The following ALAD variants were observed in gnomAD, a reference collection of about 807,000 sequenced individuals.
ALAD encodes the protein delta-aminolevulinic acid dehydratase.
ALAD carries 20 observed loss-of-function variants against 44.4 expected under a neutral mutation model. That is an observed-to-expected ratio of 0.45 (90% CI 0.32 to 0.65). The LOEUF is 0.65. Ranked by LOEUF, ALAD falls within the 30% of genes least tolerant of loss-of-function variation. The pLI is 0.05. For synonymous variants in ALAD, 156 were observed against 167.9 expected (o/e 0.93, Z 0.55); for missense variants, 323 against 445.7 (o/e 0.72, Z 2.48).
In ALAD at chr9:113,391,512, CCTTT is replaced by C; in HGVS notation, c.261+11_261+14del. On this transcript the variant is annotated intron_variant, in intron 4 of 11. Coordinates refer to ENST00000409155, the MANE Select transcript of ALAD (RefSeq NM_000031.6). ...AGCGCAACCTCCCTTCTTAGCCCTT[CCTTT>C]GATTCTTCACCTTGGGAACTCTGCT... 5 of 1,612,444 alleles carry C rather than the reference CCTTT, an allele frequency of 3.1e-6. No individual in the cohort carries two copies. Among genetic ancestry groups the C allele is most frequent in the African/African-American group, 1.3e-5 (1 of 75,024 alleles).
chr9:113,391,158 G>A (rs149226996), intron 4 of ALAD, among the ~76,000 whole-genome samples: 219 of 152,318 alleles, frequency 1.4e-3, no homozygotes, highest in African/African-American at 5.1e-3. Flanking sequence ...GAGTGAGGGT[G>A]CAGTCAGTGT....
intron 1 of ALAD, among the ~76,000 whole-genome samples, chr9:113,399,644 G>C (rs1307485103): frequency 1.3e-5 from 2 of 152,186 alleles, no homozygotes; most frequent in Non-Finnish European, 2.9e-5. Flanking sequence ...CCCATGGAAG[G>C]CAACATCCCC....
At chr9:113,400,099 G>T (rs1211413649) in intron 1 of ALAD, among the ~76,000 whole-genome samples, 5 of 152,196 alleles carry the variant, frequency 3.3e-5, no homozygotes, top group Admixed American at 3.3e-4. Flanking sequence ...CGTAGGAGAA[G>T]CTGCCATTCC....
At chr9:113,391,035 CA>C (rs1282793857) in intron 4 of ALAD, 102 bp from the exon 5 acceptor site, 4 of 1,474,932 alleles carry the variant, frequency 2.7e-6, no homozygotes, top group Non-Finnish European at 3.7e-6. Flanking sequence ...CTCCTTCCTT[CA>C]TCATCACAGC....
At chr9:113,389,300 C>T in intron 10 of ALAD, 138 bp downstream of exon 10, 1 of 1,315,154 alleles carries the variant, frequency 7.6e-7, no homozygotes, top group Non-Finnish European at 1.1e-6. Context: ...CATAGAAGGC[C>T]ACGATGGTTC....
intron 4 of ALAD, among the ~76,000 whole-genome samples, chr9:113,391,300 T>C (rs1339562939): frequency 6.6e-6 from 1 of 152,118 alleles, no homozygotes; most frequent in Non-Finnish European, 1.5e-5. Context: ...CTTTCTGGGC[T>C]CAAGCAATCC....
intron 7 of ALAD, among the ~76,000 whole-genome samples, chr9:113,390,165 G>GCA (rs2118986787): frequency 6.6e-6 from 1 of 152,282 alleles, no homozygotes; most frequent in East Asian, 1.9e-4. Flanking sequence ...GGGATTACAG[G>GCA]CGCCTGCCAC....
At chr9:113,389,261 G>C (rs1477655778) in intron 10 of ALAD, among the ~76,000 whole-genome samples, 155 bp from the exon 11 acceptor site, 2 of 152,172 alleles carry the variant, frequency 1.3e-5, no homozygotes, top group African/African-American at 4.8e-5. Context: ...TGTTAAAGCA[G>C]GGCTGTTTGA....
rs1310958077 is a variant in ALAD, at chr9:113,391,435, C to T, written c.261+92G>A. On this transcript the variant is annotated intron_variant, in intron 4 of 11. Coordinates refer to ENST00000409155, the MANE Select transcript of ALAD (RefSeq NM_000031.6). ...TCCAGGCTGGTCTCAAAATCCTGGG[C>T]TCAAGTGATCCACCCACTTTGGCCT... The T allele has an allele frequency of 1.8e-5, 20 of 1,118,454 alleles. No individual in the cohort carries two copies. In the Admixed American group the frequency reaches 3.6e-4, roughly 20 times the overall value. 69.3% of individuals were successfully genotyped at this position (1,118,454 alleles called of 1,614,324 possible). A position where few individuals can be genotyped will look rare whatever the true frequency, so the allele number is the denominator to read the frequency against.
chr9:113,393,561 G>A lies in ALAD; in HGVS notation c.-2C>T. The A allele has an allele frequency of 6.2e-7, 1 of 1,612,604 alleles. No individual in the cohort carries two copies. The highest frequency in any genetic ancestry group is 8.5e-7 in the Non-Finnish European group (1 of 1,179,506). On this transcript the variant is annotated 5_prime_UTR_variant, in exon 2 of 12. Coordinates refer to ENST00000409155, the MANE Select transcript of ALAD (RefSeq NM_000031.6). ...GTGCAGAACGGACTGGGGCTGCATG[G>A]CGTGGGCCAGTGGGCACAGGGGCAT...
At chr9:113,399,841 G>C (rs1424097346) in intron 1 of ALAD, among the ~76,000 whole-genome samples, 2 of 152,192 alleles carry the variant, frequency 1.3e-5, no homozygotes, top group African/African-American at 2.4e-5. Flanking sequence ...GGAGGAGGCA[G>C]TCAGGAGAGC....
chr9:113,392,236 A>G (rs1249068695), intron 2 of ALAD, 67 bp from the exon 3 acceptor site: 2 of 1,611,600 alleles, frequency 1.2e-6, no homozygotes, highest in Non-Finnish European at 1.7e-6. Flanking sequence ...GGGGCGACTG[A>G]GAGGGATGGT....
intron 4 of ALAD, 84 bp downstream of exon 4, chr9:113,391,443 A>G (rs1392806580): frequency 1.7e-6 from 2 of 1,187,054 alleles, no homozygotes; most frequent in Admixed American, 3.5e-5. Context: ...GGCTCAAGTG[A>G]TCCACCCACT....
intron 1 of ALAD, among the ~76,000 whole-genome samples, chr9:113,399,575 T>C (rs1214778776): frequency 6.6e-6 from 1 of 152,196 alleles, no homozygotes; most frequent in African/African-American, 2.4e-5. Flanking sequence ...GGTGGTTTCA[T>C]GGAAGAGGGG....
chr9:113,392,157 ATCAGGAACATCCCTGCAAGAGCGGG>A lies in ALAD; in HGVS notation c.114-13_125del. 6.2e-7 allele frequency: 1 copy of A among 1,613,968 alleles called. No homozygotes were observed. Among genetic ancestry groups the A allele is most frequent in the Non-Finnish European group, 8.5e-7 (1 of 1,179,976 alleles). The stretch of plus-strand genomic sequence containing the variant: ...GGAGGCTGGTGATAGGCTGTATGTC[ATCAGGAACATCCCTGCAAGAGCGGG>A]GGTGGGATATGGATTGGTAGCTGTG... On this transcript the variant is annotated splice_acceptor_variant and splice_polypyrimidine_tract_variant and coding_sequence_variant and intron_variant, in exon 3 of 12. Coordinates refer to ENST00000409155, the MANE Select transcript of ALAD (RefSeq NM_000031.6). LOFTEE classifies it high-confidence loss of function.
At chr9:113,393,389 T>TCCTCAA in intron 2 of ALAD, 58 bp downstream of exon 2, 1 of 1,271,486 alleles carries the variant, frequency 7.9e-7, no homozygotes, top group Non-Finnish European at 1.2e-6. Flanking sequence ...CAACACTCCC[T>TCCTCAA]CCCCAACCCC....
At chr9:113,389,390 ACT>A in intron 10 of ALAD, 46 bp downstream of exon 10, 1 of 1,601,304 alleles carries the variant, frequency 6.2e-7, no homozygotes, top group Non-Finnish European at 8.5e-7. Flanking sequence ...TCTGTGGAAA[ACT>A]CTGTCCCAGC....
Position 113,389,720 on chromosome 9 carries a change from T to A in ALAD, c.627-34A>T, listed in dbSNP as rs760621556. The A allele has an allele frequency of 1.2e-5, 20 of 1,614,196 alleles. No individual in the cohort carries two copies. The African/African-American group carries it at 2.1e-4, about 17-fold the overall frequency. On this transcript the variant is annotated intron_variant, in intron 8 of 11. Coordinates refer to ENST00000409155, the MANE Select transcript of ALAD (RefSeq NM_000031.6). ...CAGAGTCATCAGGGTGGGCTCCAGCTTTGGGCCAAAGGGCCAGGGATTCAC... is the reference window on the plus strand; with the variant it reads ...CAGAGTCATCAGGGTGGGCTCCAGCATTGGGCCAAAGGGCCAGGGATTCAC...
rs1827397870 is a variant in ALAD at position 113,386,446 on chromosome 9, T to G, written c.*1854A>C. ...ATGTTTAAGGCAGGCTAGGCTAAGC[T>G]ATGATGTTTGGTAGGTTAGGTATAT... is the stretch of plus-strand genomic sequence containing the variant. On this transcript the variant is annotated 3_prime_UTR_variant, in exon 12 of 12. Transcript: ENST00000409155. The G allele has an allele frequency of 6.6e-6, 1 of 152,372 alleles. No individual in the cohort carries two copies. The highest frequency in any genetic ancestry group is 2.4e-5 in the African/African-American group (1 of 41,586). The allele number at this position is 152,372 out of a possible 1,614,324, so 9.4% of individuals were successfully genotyped here. A position where few individuals can be genotyped will look rare whatever the true frequency, so the allele number is the denominator to read the frequency against.
Sources: allele counts gnomAD v4.1 joint callset (sites outside exome capture counted in the v4.1 genomes callset), GRCh38; gene constraint gnomAD v4.1.1; transcripts MANE v1.5; gene names NCBI Gene and HGNC (gene_info 2026-07-23, HGNC 2026-07-21).